KLHDC1: variants seen among roughly 807,000 people sequenced by gnomAD.
The protein encoded by KLHDC1 is kelch domain-containing protein 1.
A neutral mutation model predicts 68.3 loss-of-function variants in KLHDC1; 53 were observed. The observed-to-expected ratio is 0.78, with a 90% CI of 0.62 to 0.98. The LOEUF (loss-of-function observed/expected upper bound fraction) is 0.98, where lower values mean the gene tolerates loss of function less well. Among genes scored for constraint, KLHDC1 ranks in the 50% least tolerant of loss-of-function variants. KLHDC1 has a pLI of 0.00. For missense variants in KLHDC1, 470 were observed against 492.3 expected, an observed-to-expected ratio of 0.95 and a Z score of 0.43; for synonymous variants, 148 against 159.0, an observed-to-expected ratio of 0.93 and a Z score of 0.52.
chr14:49,726,582 C>G (rs1488281267), intron 6 of KLHDC1, among the ~76,000 whole-genome samples: 2 of 152,258 alleles, frequency 1.3e-5, no homozygotes, highest in East Asian at 3.9e-4. Flanking sequence ...TTTATATACC[C>G]TTGAATTCAG....
chr14:49,698,346 G>A (rs1887801232), intron 1 of KLHDC1, among the ~76,000 whole-genome samples: 1 of 151,754 alleles, frequency 6.6e-6, no homozygotes, highest in Non-Finnish European at 1.5e-5. Flanking sequence ...TGGGAGTATA[G>A]GCACACACCA....
intron 10 of KLHDC1, among the ~76,000 whole-genome samples, chr14:49,738,342 G>A (rs1325313944): frequency 8.1e-6 from 1 of 122,996 alleles, no homozygotes; most frequent in Admixed American, 8.2e-5. Context: ...TGGTTTTTTT[G>A]TTTTTTTTTT....
chr14:49,711,208 T>G (rs1195903391), intron 4 of KLHDC1, among the ~76,000 whole-genome samples: 19 of 151,988 alleles, frequency 1.3e-4, no homozygotes, highest in Admixed American at 1.2e-3. Context: ...GTTTATTTAT[T>G]TATTTATTTT....
chr14:49,747,807 A>G (rs1246362339), intron 12 of KLHDC1, among the ~76,000 whole-genome samples: 1 of 152,174 alleles, frequency 6.6e-6, no homozygotes, highest in African/African-American at 2.4e-5. Context: ...GTGGCACCAT[A>G]GCTGAGAAAC....
intron 1 of KLHDC1, among the ~76,000 whole-genome samples, chr14:49,705,562 G>T (rs1284867996): frequency 2.0e-5 from 3 of 151,080 alleles, no homozygotes; most frequent in African/African-American, 7.3e-5. Flanking sequence ...GTAGAGACAG[G>T]GTTTCACCAT....
At chr14:49,748,146 T>A (rs776769695) in intron 12 of KLHDC1, among the ~76,000 whole-genome samples, 2 of 152,090 alleles carry the variant, frequency 1.3e-5, no homozygotes, top group African/African-American at 2.4e-5. Flanking sequence ...TCATAAAGAA[T>A]GAAAAGGTTT....
chr14:49,734,004 C>G (rs1888876121), intron 9 of KLHDC1, among the ~76,000 whole-genome samples: 2 of 152,128 alleles, frequency 1.3e-5, no homozygotes, highest in African/African-American at 4.8e-5. Context: ...TGGAATCTAA[C>G]CAAAAACTAA....
intron 2 of KLHDC1, 103 bp from the exon 3 acceptor site, chr14:49,709,606 T>C: frequency 1.8e-6 from 1 of 568,442 alleles, no homozygotes; most frequent in Non-Finnish European, 3.1e-6. Flanking sequence ...TAACTGTAAT[T>C]GACAGTGACA....
chr14:49,710,477 C>T, intron 4 of KLHDC1, 96 bp downstream of exon 4: 1 of 664,964 alleles, frequency 1.5e-6, no homozygotes, highest in South Asian at 1.8e-5. Flanking sequence ...GAGTTTTTTT[C>T]AGGATTGCAA....
Position 49,740,001 on chromosome 14 carries a change from A to C in KLHDC1, c.897-97A>C, listed in dbSNP as rs1026703710. On this transcript the variant is annotated intron_variant, in intron 10 of 12. Coordinates refer to ENST00000359332, the MANE Select transcript of KLHDC1 (RefSeq NM_172193.3). Reference sequence around the variant, plus strand: ...GTTCAATCGTGTCTCTTTTAAATAGATTACATTTTAGAGTATGAAATTTAG... The same window carrying C: ...GTTCAATCGTGTCTCTTTTAAATAGCTTACATTTTAGAGTATGAAATTTAG... The C allele has an allele frequency of 4.6e-6, 3 of 651,242 alleles. No individual in the cohort carries two copies. The South Asian group carries it at 7.2e-5, about 16-fold the overall frequency. The allele number at this position is 651,242 out of a possible 1,614,324, so 40.3% of individuals were successfully genotyped here. A position where few individuals can be genotyped will look rare whatever the true frequency, so the allele number is the denominator to read the frequency against.
At chr14:49,722,365 G>A (rs1392121227) in intron 4 of KLHDC1, among the ~76,000 whole-genome samples, 1 of 152,174 alleles carries the variant, frequency 6.6e-6, no homozygotes, top group Non-Finnish European at 1.5e-5. Context: ...AACATGCGGT[G>A]TTTGGTTTTT....
intron 4 of KLHDC1, among the ~76,000 whole-genome samples, chr14:49,713,815 TATATATATATATATATATATA>T (rs1888277630): frequency 3.9e-4 from 2 of 5,148 alleles, no homozygotes; most frequent in Non-Finnish European, 3.5e-3. Context: ...TATATATATA[TATATATATATATATATATATA>T]TATATATATA....
intron 4 of KLHDC1, among the ~76,000 whole-genome samples, chr14:49,723,630 G>A (rs1888592966): frequency 6.6e-6 from 1 of 152,182 alleles, no homozygotes; most frequent in South Asian, 2.1e-4. Context: ...CCCTGTATGT[G>A]CTGGATTCTT....
intron 11 of KLHDC1, among the ~76,000 whole-genome samples, chr14:49,743,194 C>T (rs959760903): frequency 6.0e-5 from 9 of 150,956 alleles, no homozygotes; most frequent in East Asian, 3.9e-4. Context: ...GTCAGGAGTT[C>T]GAAACCAGCC....
chr14:49,704,253 C>T (rs1456493230), intron 1 of KLHDC1, among the ~76,000 whole-genome samples: 4 of 151,940 alleles, frequency 2.6e-5, no homozygotes, highest in African/African-American at 9.7e-5. Context: ...AATGCTGGCT[C>T]ATGTCTTTTG....
At chr14:49,715,591 A>G (rs1241434335) in intron 4 of KLHDC1, among the ~76,000 whole-genome samples, 2 of 150,598 alleles carry the variant, frequency 1.3e-5, no homozygotes, top group Non-Finnish European at 3.0e-5. Flanking sequence ...CTAAAAATAC[A>G]AAAATTAGCT....
intron 9 of KLHDC1, among the ~76,000 whole-genome samples, chr14:49,733,571 G>C (rs766689852): frequency 2.6e-5 from 4 of 151,758 alleles, no homozygotes; most frequent in Admixed American, 1.3e-4. Context: ...GGGATTACAG[G>C]TGCCCACCAC....
At chr14:49,717,668 C>A (rs1566605730) in intron 4 of KLHDC1, among the ~76,000 whole-genome samples, 3 of 151,622 alleles carry the variant, frequency 2.0e-5, no homozygotes, top group Non-Finnish European at 4.4e-5. Context: ...CAGGGTAATG[C>A]TAGCCTCAAA....
Position 49,751,640 on chromosome 14 carries a change from T to C in KLHDC1, c.1089T>C (p.Ser363=), listed in dbSNP as rs1353462575. Residue 363 remains serine, a synonymous_variant, in exon 13 of 13, where the codon TCT becomes TCC. Transcript: ENST00000359332. ...CTATCATGTTAGAAAGTCAGATATCTTTATTACCTCCTAAACTTCTGCAAC... is the reference window on the plus strand; with the variant it reads ...CTATCATGTTAGAAAGTCAGATATCCTTATTACCTCCTAAACTTCTGCAAC... ...KNSIMLESQI[S]LLPPKLLQQV... 6.2e-7 allele frequency: 1 copy of C among 1,602,352 alleles called. No homozygotes were observed. The highest frequency in any genetic ancestry group is 8.5e-7 in the Non-Finnish European group (1 of 1,172,934).
Sources: gnomAD v4.1 joint callset for allele counts (sites outside exome capture counted in the v4.1 genomes callset) on GRCh38, gnomAD v4.1.1 for gene constraint, MANE v1.5 for transcripts, NCBI Gene and HGNC (gene_info 2026-07-23, HGNC 2026-07-21) for gene names.